COL26A1: variants seen among roughly 807,000 people sequenced by gnomAD.
COL26A1 encodes the protein collagen alpha-1(XXVI) chain.
A neutral mutation model predicts 59.3 loss-of-function variants in COL26A1; 41 were observed. The observed-to-expected ratio is 0.69, with a 90% CI of 0.54 to 0.90. The LOEUF is 0.90. Among genes scored for constraint, COL26A1 ranks in the 40% least tolerant of loss-of-function variants. The pLI, the probability that COL26A1 is intolerant of heterozygous loss-of-function variation, is 0.00. For missense variants in COL26A1, 612 were observed against 602.3 expected, an observed-to-expected ratio of 1.02 and a Z score of -0.17; for synonymous variants, 266 against 256.0, an observed-to-expected ratio of 1.04 and a Z score of -0.37.
At chr7:101,372,874 A>G (rs1791226626) in intron 1 of COL26A1, among the ~76,000 whole-genome samples, 1 of 152,192 alleles carries the variant, frequency 6.6e-6, no homozygotes, top group Admixed American at 6.5e-5. Flanking sequence ...ACACACCTGT[A>G]GTCTCAGCTA....
At chr7:101,364,060 C>G (rs1298870743) in intron 1 of COL26A1, among the ~76,000 whole-genome samples, 2 of 152,060 alleles carry the variant, frequency 1.3e-5, no homozygotes, top group Admixed American at 1.3e-4. Flanking sequence ...CGCAGGGTCA[C>G]CGGGCCCGGG....
chr7:101,465,691 C>CAAAAAAAAAAAAA (rs539721605), intron 3 of COL26A1, among the ~76,000 whole-genome samples: 1 of 102,662 alleles, frequency 9.7e-6, no homozygotes, highest in Non-Finnish European at 2.0e-5. Context: ...GAAACTGTCT[C>CAAAAAAAAAAAAA]AAAAAAAAAA....
intron 1 of COL26A1, among the ~76,000 whole-genome samples, chr7:101,367,093 G>A (rs1329181568): frequency 6.6e-6 from 1 of 152,114 alleles, no homozygotes; most frequent in Non-Finnish European, 1.5e-5. Context: ...TCTGCCCCCT[G>A]TATCTCTTCT....
chr7:101,395,152 C>T (rs1791827182), intron 1 of COL26A1, among the ~76,000 whole-genome samples: 1 of 152,046 alleles, frequency 6.6e-6, no homozygotes, highest in African/African-American at 2.4e-5. Flanking sequence ...GGATTGCGGG[C>T]ATGAGCCACC....
intron 2 of COL26A1, among the ~76,000 whole-genome samples, chr7:101,432,250 C>T (rs1209062769): frequency 6.6e-6 from 1 of 152,134 alleles, no homozygotes; most frequent in African/African-American, 2.4e-5. Context: ...GCATGAGCCA[C>T]CATGTCCATC....
rs1299655962 is a variant in COL26A1 at position 101,362,921 on chromosome 7, C to A, written c.-112C>A. 3.4e-5 allele frequency: 39 copies of A among 1,158,560 alleles called. No individual in the cohort carries two copies. The East Asian group carries it at 6.5e-4, about 19-fold the overall frequency. 71.8% of individuals were successfully genotyped at this position (1,158,560 alleles called of 1,614,324 possible). ...CGCACCCGGGCTCCGACCGCTCGCC[C>A]CGCTCCTCTCGCTGTGCTCCCGGCC... On this transcript the variant is annotated 5_prime_UTR_variant, in exon 1 of 13. Transcript: ENST00000313669.
chr7:101,550,964 C>A, intron 9 of COL26A1, 144 bp from the exon 10 acceptor site: 2 of 895,900 alleles, frequency 2.2e-6, no homozygotes, highest in Non-Finnish European at 3.5e-6. Flanking sequence ...TGAGTCTGCC[C>A]TTCCCGTGCC....
intron 9 of COL26A1, among the ~76,000 whole-genome samples, chr7:101,550,504 A>C (rs929647763): frequency 6.6e-6 from 1 of 152,112 alleles, no homozygotes; most frequent in African/African-American, 2.4e-5. Context: ...AAAAATAGAA[A>C]GTAGACTCGG....
At chr7:101,457,912 T>G (rs1793515274) in intron 3 of COL26A1, among the ~76,000 whole-genome samples, 1 of 117,828 alleles carries the variant, frequency 8.5e-6, no homozygotes, top group Non-Finnish European at 1.8e-5. Context: ...TTTTTTTTTT[T>G]TTGAAATGGA....
At chr7:101,505,522 G>A (rs190089876) in intron 3 of COL26A1, among the ~76,000 whole-genome samples, 12 of 152,282 alleles carry the variant, frequency 7.9e-5, no homozygotes, top group Admixed American at 2.0e-4. Flanking sequence ...ACAATAGGCC[G>A]TCTGCAAGCT....
At chr7:101,469,475 A>T (rs1793841996) in intron 3 of COL26A1, among the ~76,000 whole-genome samples, 2 of 149,880 alleles carry the variant, frequency 1.3e-5, no homozygotes, top group African/African-American at 4.9e-5. Flanking sequence ...TGCAAATTCA[A>T]GGGTTTACAC....
chr7:101,474,918 C>T (rs951430344), intron 3 of COL26A1, among the ~76,000 whole-genome samples: 19 of 152,020 alleles, frequency 1.2e-4, no homozygotes, highest in African/African-American at 7.2e-5. Flanking sequence ...TCAGGCCAGG[C>T]GCAGTGGCTC....
chr7:101,402,393 G>A (rs928279581), intron 1 of COL26A1, among the ~76,000 whole-genome samples: 6 of 152,062 alleles, frequency 3.9e-5, no homozygotes, highest in East Asian at 3.9e-4. Flanking sequence ...GTCCTGGTTC[G>A]TCACCAGCTT....
intron 3 of COL26A1, among the ~76,000 whole-genome samples, chr7:101,527,580 C>T (rs963705422): frequency 6.6e-6 from 1 of 152,054 alleles, no homozygotes; most frequent in Admixed American, 6.6e-5. Flanking sequence ...GTGATCCGCC[C>T]ACCTCAGCCT....
intron 1 of COL26A1, among the ~76,000 whole-genome samples, chr7:101,363,601 T>A (rs1298946465): frequency 2.0e-5 from 1 of 49,648 alleles, no homozygotes; most frequent in African/African-American, 6.8e-5. Context: ...GGCTGGGGGT[T>A]GGGGCCGCGG....
chr7:101,543,999 GC>G lies in COL26A1; in HGVS notation c.611del (p.Pro204ArgfsTer145). ...RQRRPTGPAG[P>X]PGQTGPPGPA... ...TGCCCTGTCTCCTTCTCTCCCCAGG[GC>G]CCCCGGGGCAGACAGGACCACCAGG... On this transcript the variant is annotated frameshift_variant and splice_region_variant, in exon 6 of 13. Transcript: ENST00000313669. LOFTEE classifies it high-confidence loss of function. 4 of 1,561,858 alleles carry G rather than the reference GC, an allele frequency of 2.6e-6. No individual in the cohort carries two copies. The highest frequency in any genetic ancestry group is 2.4e-5 in the East Asian group (1 of 42,006).
chr7:101,511,127 C>T (rs1794914912), intron 3 of COL26A1, among the ~76,000 whole-genome samples: 1 of 152,032 alleles, frequency 6.6e-6, no homozygotes, highest in Non-Finnish European at 1.5e-5. Context: ...TGGTCTCGAT[C>T]TCCTAGCCTC....
At chr7:101,473,481 C>CG (rs1337164400) in intron 3 of COL26A1, among the ~76,000 whole-genome samples, 39 of 114,012 alleles carry the variant, frequency 3.4e-4, no homozygotes, top group African/African-American at 1.2e-3. Context: ...GTCCCACCAC[C>CG]TCTAGTTGTG....
At chr7:101,483,642 G>T in intron 3 of COL26A1, among the ~76,000 whole-genome samples, 1 of 151,814 alleles carries the variant, frequency 6.6e-6, no homozygotes, top group East Asian at 1.9e-4. Flanking sequence ...TAAGTAGGTG[G>T]GACTACAGAT....
Sources: gnomAD v4.1 joint callset for allele counts (sites outside exome capture counted in the v4.1 genomes callset) on GRCh38, gnomAD v4.1.1 for gene constraint, MANE v1.5 for transcripts, NCBI Gene and HGNC (gene_info 2026-07-23, HGNC 2026-07-21) for gene names.